LLGL2: variants seen among roughly 807,000 people sequenced by gnomAD.
LLGL2 encodes the protein LLGL scribble cell polarity complex component 2, also known as LLGL2, scribble cell polarity complex component.
LLGL2 carries 81 observed loss-of-function variants against 123.2 expected under a neutral mutation model. The ratio of observed to expected loss-of-function variants is 0.66; its 90% CI spans 0.55 to 0.79. The LOEUF (loss-of-function observed/expected upper bound fraction) is 0.79. LLGL2 is among the 30% of genes least tolerant of loss of function. The probability of loss-of-function intolerance (pLI) is 0.00; values close to 1 mark genes in which losing one functional copy is unlikely to be tolerated. For missense variants in LLGL2, 1,273 were observed against 1,414.6 expected (o/e 0.90, Z 1.61); for synonymous variants, 577 against 594.1 (o/e 0.97, Z 0.42).
rs991979052 is a variant in LLGL2 at position 75,525,976 on chromosome 17, C to T, written c.-31+151C>T. Among the ~76,000 whole-genome samples, 5 of 152,108 alleles carry T rather than the reference C, an allele frequency of 3.3e-5. No homozygotes were observed. Among genetic ancestry groups the T allele is most frequent in the African/African-American group, 7.2e-5 (3 of 41,444 alleles). ...CCGCGCGCCTCGCCCCTGTCCGCGTCGCTGTGCTGGCCTGGAAGAGAGACA... is the reference window on the plus strand; with the variant it reads ...CCGCGCGCCTCGCCCCTGTCCGCGTTGCTGTGCTGGCCTGGAAGAGAGACA... On this transcript the variant is annotated intron_variant, in intron 1 of 25. Coordinates refer to ENST00000392550, the MANE Select transcript of LLGL2 (RefSeq NM_001031803.2). This position sits in a 1 kb window ranked among gnomAD's most constrained non-coding sequence, Gnocchi z 4.8.
In LLGL2 at chr17:75,558,350, A is replaced by C; in HGVS notation, c.255+114A>C. 8.2e-7 allele frequency: 1 copy of C among 1,222,950 alleles called. No homozygotes were observed. Among genetic ancestry groups the C allele is most frequent in the Admixed American group, 2.1e-5 (1 of 48,560 alleles). 75.8% of individuals were successfully genotyped at this position (1,222,950 alleles called of 1,614,324 possible). A position where few individuals can be genotyped will look rare whatever the true frequency, so the allele number is the denominator to read the frequency against. Reference sequence around the variant, plus strand: ...TTCGGTGGCCCTGGGTTTGCTGCTGATGGAAAGACCTGGGACCCCCTCCCT... The same window carrying C: ...TTCGGTGGCCCTGGGTTTGCTGCTGCTGGAAAGACCTGGGACCCCCTCCCT... On this transcript the variant is annotated intron_variant, in intron 4 of 25. Transcript: ENST00000392550. The surrounding 1 kb of genome is among the most constrained non-coding windows in gnomAD (Gnocchi z 4.0).
In LLGL2 at chr17:75,555,072, A is replaced by G. The variant is rs568467559; in HGVS notation, c.76-974A>G. Among the ~76,000 whole-genome samples the G allele has an allele frequency of 6.4e-3, 885 of 137,368 alleles. 2 individuals carry two copies. Among genetic ancestry groups the G allele is most frequent in the Non-Finnish European group, 0.011 (693 of 63,890 alleles). 90.1% of individuals were successfully genotyped at this position (137,368 alleles called of 152,430 possible). ...GGCACCTGTAGTACCAGCTACTCGG[A>G]AGGCTGAGGCAGGAGAATGGCATGA... On this transcript the variant is annotated intron_variant, in intron 2 of 25. Coordinates refer to ENST00000392550, the MANE Select transcript of LLGL2 (RefSeq NM_001031803.2).
chr17:75,526,531 G>T (rs1236287841), intron 1 of LLGL2, among the ~76,000 whole-genome samples: 1 of 152,188 alleles, frequency 6.6e-6, no homozygotes, highest in East Asian at 1.9e-4. Flanking sequence ...TGGTGGACAC[G>T]CTGGGCCTTG....
At chr17:75,567,047 G>C (rs1325390429) in intron 10 of LLGL2, among the ~76,000 whole-genome samples, 1 of 152,216 alleles carries the variant, frequency 6.6e-6, no homozygotes, top group Non-Finnish European at 1.5e-5. Flanking sequence ...GAAGCCATGG[G>C]ACAGCTGAGC....
chr17:75,554,510 C>T (rs931549500), intron 2 of LLGL2, among the ~76,000 whole-genome samples: 2 of 151,882 alleles, frequency 1.3e-5, no homozygotes, highest in African/African-American at 4.8e-5. Context: ...GTCCCAGCTA[C>T]TTGGGAGGCT....
chr17:75,545,453 G>A (rs955384934), intron 2 of LLGL2, among the ~76,000 whole-genome samples: 2 of 152,176 alleles, frequency 1.3e-5, no homozygotes, highest in South Asian at 2.1e-4. Context: ...CCTTGGAAGT[G>A]GAGAGGAGGA....
chr17:75,570,868 T>C (rs1198369603), intron 16 of LLGL2, 82 bp from the exon 17 acceptor site: 12 of 1,479,686 alleles, frequency 8.1e-6, no homozygotes, highest in East Asian at 2.3e-5. Context: ...TGCCTTCCGA[T>C]GCAAGGATCA....
At chr17:75,570,882 C>G (rs1251364297) in intron 16 of LLGL2, 68 bp from the exon 17 acceptor site, 4 of 1,523,030 alleles carry the variant, frequency 2.6e-6, no homozygotes, top group South Asian at 1.3e-5. Flanking sequence ...AGGATCAGCA[C>G]TGAGCGAAGC....
rs758711674 is a variant in LLGL2 at position 75,571,749 on chromosome 17, G to A, written c.2259G>A (p.Glu753=). The change falls in exon 18 of 26, where the codon GAG becomes GAA. Residue 753 remains glutamate (E), a synonymous_variant. Transcript: ENST00000392550. ...TCTCCCTGCGTGTGCCTCCCGCCGA[G>A]CGGAGAATGGATGAGCCTGTGCGGG... is the stretch of plus-strand genomic sequence containing the variant. ...YAFSLRVPPA[E]RRMDEPVRAE... 1 of 1,608,914 alleles carries A rather than the reference G, an allele frequency of 6.2e-7. No individual in the cohort carries two copies. The highest frequency in any genetic ancestry group is 1.7e-5 in the Admixed American group (1 of 60,028).
chr17:75,537,144 G>A (rs1472211372), intron 1 of LLGL2, among the ~76,000 whole-genome samples: 1 of 152,090 alleles, frequency 6.6e-6, no homozygotes, highest in East Asian at 1.9e-4. Context: ...TTTAATGACT[G>A]GAAGCCTTTT....
At position 75,559,854 on chromosome 17, in the gene LLGL2, C is replaced by T. The variant is rs576366940; in HGVS notation, c.530+444C>T. Among the ~76,000 whole-genome samples, 4 of 152,340 alleles carry T rather than the reference C, an allele frequency of 2.6e-5. No individual in the cohort carries two copies. The highest frequency in any genetic ancestry group is 2.0e-4 in the Admixed American group (3 of 15,308). ...CGTGGCTAAAAAGCCTTGACCGCCA[C>T]AGGCATGTGGGTCTGTTGAGATCGT... On this transcript the variant is annotated intron_variant, in intron 6 of 25. Coordinates refer to ENST00000392550, the MANE Select transcript of LLGL2 (RefSeq NM_001031803.2). This position sits in a 1 kb window ranked among gnomAD's most constrained non-coding sequence, Gnocchi z 4.6.
At chr17:75,526,242 C>CG (rs2053564984) in intron 1 of LLGL2, among the ~76,000 whole-genome samples, 1 of 151,928 alleles carries the variant, frequency 6.6e-6, no homozygotes, top group Non-Finnish European at 1.5e-5. Flanking sequence ...GGCCGGAGCG[C>CG]GGTGCCCCGG....
chr17:75,573,690 G>C lies in LLGL2; in HGVS notation c.2876+59G>C, dbSNP rs893635048. ...TCCCGCCCCTCCCTGCCCTCTCTGA[G>C]ATACCGAGGCTCCCACTGCTGCCTG... On this transcript the variant is annotated intron_variant, in intron 21 of 25. Coordinates refer to ENST00000392550, the MANE Select transcript of LLGL2 (RefSeq NM_001031803.2). 1.2e-5 allele frequency: 17 copies of C among 1,426,006 alleles called. No individual in the cohort carries two copies. The African/African-American group carries it at 3.2e-4, about 27-fold the overall frequency. The allele number at this position is 1,426,006 out of a possible 1,614,324, so 88.3% of individuals were successfully genotyped here.
intron 1 of LLGL2, chr17:75,533,692 G>A (rs2053898924): frequency 6.6e-6 from 1 of 152,188 alleles, no homozygotes; most frequent in Admixed American, 6.6e-5. Flanking sequence ...GTCGTTGAAA[G>A]TTGTTTCTAA....
At chr17:75,560,426 C>CG (rs34430025) in intron 6 of LLGL2, among the ~76,000 whole-genome samples, 45,287 of 152,022 alleles carry the variant, frequency 0.3, 7,086 homozygotes, top group African/African-American at 0.39. Flanking sequence ...ATCTAGTCGG[C>CG]GGGGGGGCCC....
rs567103819 is a variant in LLGL2 at position 75,543,818 on chromosome 17, C to T, written c.75+317C>T. Among the ~76,000 whole-genome samples, 11 of 152,194 alleles carry T rather than the reference C, an allele frequency of 7.2e-5. No homozygotes were observed. The East Asian group carries it at 1.5e-3, about 21-fold the overall frequency. On this transcript the variant is annotated intron_variant, in intron 2 of 25. Transcript: ENST00000392550. ...ATAAAACGATCTGCCATGTCTACCT[C>T]GGCACAGGGTTGTCAAGGAGGTTTA...
chr17:75,569,116 GCC>G lies in LLGL2; in HGVS notation c.1465_1466del (p.Pro489ThrfsTer8). Reference sequence around the variant, plus strand: ...TCAGTGCCCAGGGCGAGGACGAGTGGCCCCCACTCCGCAAGGTGAGGCCAGGA... The same window carrying G: ...TCAGTGCCCAGGGCGAGGACGAGTGGCCCACTCCGCAAGGTGAGGCCAGGA... Reference protein sequence around the residue: ...NFSAQGEDEWPPLRKVGSFDP... With the variant: ...NFSAQGEDEWXPLRKVGSFDP... On this transcript the variant is annotated frameshift_variant, in exon 13 of 26. Transcript: ENST00000392550. LOFTEE classifies it high-confidence loss of function. The G allele has an allele frequency of 6.2e-7, 1 of 1,613,422 alleles. No homozygotes were observed.
At chr17:75,557,700 C>T (rs1025244654) in intron 3 of LLGL2, 5 of 311,982 alleles carry the variant, frequency 1.6e-5, no homozygotes, top group East Asian at 9.3e-5. Flanking sequence ...AGCCTTCCCT[C>T]GGCTGGTTAA....
At chr17:75,555,900 G>T (rs1485364469) in intron 2 of LLGL2, 146 bp from the exon 3 acceptor site, 3 of 628,310 alleles carry the variant, frequency 4.8e-6, no homozygotes, top group African/African-American at 3.6e-5. Flanking sequence ...ATATGGGTTA[G>T]GCTCCAACAC....
Sources: allele counts gnomAD v4.1 joint callset (sites outside exome capture counted in the v4.1 genomes callset), GRCh38; gene constraint gnomAD v4.1.1; non-coding constraint Gnocchi (gnomAD v3.1); transcripts MANE v1.5; gene names NCBI Gene and HGNC (gene_info 2026-07-23, HGNC 2026-07-21).